Variants in SORCS3 observed in about 807,000 individuals in gnomAD.
SORCS3 encodes the protein sortilin related VPS10 domain containing receptor 3, also known as VPS10 domain-containing receptor SorCS3.
A neutral mutation model predicts 146.3 loss-of-function variants in SORCS3; 57 were observed. That is an observed-to-expected ratio of 0.39 (90% confidence interval 0.31 to 0.49). SORCS3 has a LOEUF of 0.49. Ranked by LOEUF, SORCS3 falls within the 20% of genes least tolerant of loss-of-function variation. SORCS3 has a pLI of 0.92. For missense variants in SORCS3, 1,341 were observed against 1,575.5 expected, an observed-to-expected ratio of 0.85 and a Z score of 2.52; for synonymous variants, 653 against 618.5, an observed-to-expected ratio of 1.06 and a Z score of -0.83.
chr10:105,216,963 C>T lies in SORCS3; in HGVS notation c.2575C>T (p.Leu859Phe), dbSNP rs779369540. ...TGATCTACAAAGGACAAACATCCAG[C>T]TTGACTTTGGGGATGGGATTGCTGT... ...EGDLQRTNIQLDFGDGIAVSY... is the reference protein window; with the variant it reads ...EGDLQRTNIQFDFGDGIAVSY... The change falls in exon 19 of 27, where the codon CTT becomes TTT. Residue 859 changes from leucine (L) to phenylalanine (F), a missense_variant. By Grantham distance (22) the Leu-to-Phe change is conservative. Transcript: ENST00000369701. 6.2e-7 allele frequency: 1 copy of T among 1,614,144 alleles called. No homozygotes were observed. Among genetic ancestry groups the T allele is most frequent in the Admixed American group, 1.7e-5 (1 of 60,024 alleles).
chr10:104,724,104 T>C (rs2016589575), intron 1 of SORCS3, among the ~76,000 whole-genome samples: 1 of 152,360 alleles, frequency 6.6e-6, no homozygotes, highest in Middle Eastern at 3.4e-3. Context: ...GTTTTTGCAG[T>C]GGCTGGTACC....
intron 8 of SORCS3, among the ~76,000 whole-genome samples, chr10:105,141,200 C>T (rs2056093208): frequency 6.6e-6 from 1 of 152,118 alleles, no homozygotes; most frequent in African/African-American, 2.4e-5. Context: ...GATCACAACC[C>T]TAGAACACTC....
intron 1 of SORCS3, among the ~76,000 whole-genome samples, chr10:104,722,410 G>A (rs1290535152): frequency 2.0e-5 from 3 of 152,142 alleles, no homozygotes; most frequent in African/African-American, 7.2e-5. Flanking sequence ...TTGCATCGAT[G>A]TTCATCAGGG....
At chr10:104,831,997 C>T (rs1286638996) in intron 1 of SORCS3, among the ~76,000 whole-genome samples, 1 of 152,190 alleles carries the variant, frequency 6.6e-6, no homozygotes, top group African/African-American at 2.4e-5. Flanking sequence ...ATTTCTGTTA[C>T]TAGTCCTGAG....
intron 4 of SORCS3, among the ~76,000 whole-genome samples, chr10:105,022,810 G>A (rs1462362541): frequency 1.3e-5 from 2 of 152,048 alleles, no homozygotes; most frequent in Admixed American, 1.3e-4. Flanking sequence ...TTCCAAACAT[G>A]GAGTTTTAAA....
At chr10:105,242,352 A>G (rs2056829765) in intron 20 of SORCS3, among the ~76,000 whole-genome samples, 2 of 124,636 alleles carry the variant, frequency 1.6e-5, no homozygotes, top group South Asian at 4.7e-4. Flanking sequence ...ATATTTATAC[A>G]TATATTTATA....
intron 16 of SORCS3, among the ~76,000 whole-genome samples, chr10:105,207,563 T>C (rs939034376): frequency 6.6e-6 from 1 of 152,148 alleles, no homozygotes; most frequent in Middle Eastern, 3.2e-3. Context: ...GAAAAATGCC[T>C]TTCCCCAGGA....
At chr10:105,261,472 C>T (rs920071243) in intron 25 of SORCS3, among the ~76,000 whole-genome samples, 11 of 152,164 alleles carry the variant, frequency 7.2e-5, no homozygotes, top group South Asian at 2.1e-4. Context: ...CCCATCCAGT[C>T]CAGACTTACA....
intron 1 of SORCS3, among the ~76,000 whole-genome samples, chr10:104,652,819 C>T (rs559038911): frequency 6.6e-6 from 1 of 152,264 alleles, no homozygotes; most frequent in Non-Finnish European, 1.5e-5. Flanking sequence ...TTTCAGAGCA[C>T]CTAGTATATG....
chr10:104,737,602 C>T (rs2016789795), intron 1 of SORCS3, among the ~76,000 whole-genome samples: 1 of 152,066 alleles, frequency 6.6e-6, no homozygotes, highest in Non-Finnish European at 1.5e-5. Context: ...TGTTCATATC[C>T]TTTGCCCACT....
At chr10:104,831,999 A>G (rs1010125425) in intron 1 of SORCS3, among the ~76,000 whole-genome samples, 3 of 152,196 alleles carry the variant, frequency 2.0e-5, no homozygotes, top group African/African-American at 7.2e-5. Flanking sequence ...TTCTGTTACT[A>G]GTCCTGAGGC....
At chr10:104,941,894 A>G (rs1400490469) in intron 3 of SORCS3, among the ~76,000 whole-genome samples, 1 of 152,166 alleles carries the variant, frequency 6.6e-6, no homozygotes, top group Non-Finnish European at 1.5e-5. Flanking sequence ...GATGTCTGGA[A>G]GGGCTTATAT....
intron 19 of SORCS3, among the ~76,000 whole-genome samples, chr10:105,219,628 C>T (rs2056686853): frequency 6.6e-6 from 1 of 152,200 alleles, no homozygotes; most frequent in South Asian, 2.1e-4. Context: ...GCACAGTGTG[C>T]AGAATGCTGC....
chr10:105,215,264 AT>A (rs1222112504), intron 18 of SORCS3, among the ~76,000 whole-genome samples: 1 of 152,150 alleles, frequency 6.6e-6, no homozygotes, highest in African/African-American at 2.4e-5. Flanking sequence ...AAGCTGTTGA[AT>A]TGCTTCCTAT....
intron 1 of SORCS3, among the ~76,000 whole-genome samples, chr10:104,658,495 T>C (rs1232998536): frequency 6.6e-6 from 1 of 152,234 alleles, no homozygotes; most frequent in African/African-American, 2.4e-5. Context: ...TGCAATGGCA[T>C]GATCTTGGCT....
At chr10:104,899,294 C>T (rs773779125) in intron 2 of SORCS3, among the ~76,000 whole-genome samples, 1 of 152,210 alleles carries the variant, frequency 6.6e-6, no homozygotes, top group Non-Finnish European at 1.5e-5. Flanking sequence ...GACTCACACA[C>T]ATCCTTTCAG....
chr10:104,922,647 A>G (rs1392844871), intron 3 of SORCS3, among the ~76,000 whole-genome samples: 2 of 152,200 alleles, frequency 1.3e-5, no homozygotes, highest in Non-Finnish European at 1.5e-5. Flanking sequence ...ATATTTTTCT[A>G]TATAGATTTT....
chr10:105,230,083 G>A (rs1474309056), intron 20 of SORCS3, among the ~76,000 whole-genome samples: 1 of 152,146 alleles, frequency 6.6e-6, no homozygotes, highest in Non-Finnish European at 1.5e-5. Flanking sequence ...ACCCAACCTG[G>A]TGGTAGTGGC....
chr10:105,010,583 T>A (rs532395320), intron 4 of SORCS3, among the ~76,000 whole-genome samples: 1 of 152,336 alleles, frequency 6.6e-6, no homozygotes, highest in South Asian at 2.1e-4. Flanking sequence ...TTACCCCAGC[T>A]ACTCTTGCAT....
Sources: gnomAD v4.1 joint callset for allele counts (sites outside exome capture counted in the v4.1 genomes callset) on GRCh38, gnomAD v4.1.1 for gene constraint, MANE v1.5 for transcripts, NCBI Gene and HGNC (gene_info 2026-07-23, HGNC 2026-07-21) for gene names.